CNPY1: variants seen among roughly 807,000 people sequenced by gnomAD.
The protein encoded by CNPY1 is protein canopy homolog 1.
A neutral mutation model predicts 14.4 loss-of-function variants in CNPY1; 14 were observed. The observed-to-expected ratio is 0.97, with a 90% CI of 0.64 to 1.52. The LOEUF is 1.52. Among genes scored for constraint, CNPY1 ranks in the 40% most tolerant of loss-of-function variants. CNPY1 has a pLI of 0.00. For missense variants in CNPY1, 129 were observed against 131.5 expected, an observed-to-expected ratio of 0.98 and a Z score of 0.09; for synonymous variants, 43 against 46.5, an observed-to-expected ratio of 0.92 and a Z score of 0.31.
intron 2 of CNPY1, among the ~76,000 whole-genome samples, chr7:155,527,050 C>CT (rs1796833384): frequency 1.5e-5 from 1 of 67,492 alleles, no homozygotes; most frequent in Non-Finnish European, 2.9e-5. Context: ...TTCTTTCTTT[C>CT]TTTCTTTTTT....
At chr7:155,526,142 G>C (rs1205439060) in intron 2 of CNPY1, among the ~76,000 whole-genome samples, 1 of 152,168 alleles carries the variant, frequency 6.6e-6, no homozygotes, top group Non-Finnish European at 1.5e-5. Context: ...ATGTTCAGAA[G>C]GTGTGAGAGA....
intron 2 of CNPY1, chr7:155,533,830 C>A (rs1015900898): frequency 1.3e-5 from 2 of 152,192 alleles, no homozygotes; most frequent in African/African-American, 4.8e-5. Flanking sequence ...GCTTTGCTCT[C>A]CCGGCATTGT....
chr7:155,537,264 C>T (rs1401600672), intron 2 of CNPY1, among the ~76,000 whole-genome samples: 2 of 152,052 alleles, frequency 1.3e-5, no homozygotes, highest in East Asian at 1.9e-4. Flanking sequence ...CCTCTCCTTC[C>T]GAGGACTCTT....
chr7:155,522,951 C>G (rs1386874960), intron 2 of CNPY1, among the ~76,000 whole-genome samples: 1 of 152,248 alleles, frequency 6.6e-6, no homozygotes, highest in East Asian at 1.9e-4. Context: ...TGTATGGGAG[C>G]TGCACGGTGC....
chr7:155,507,130 A>G lies in CNPY1; in HGVS notation c.304-14T>C. On this transcript the variant is annotated splice_polypyrimidine_tract_variant and intron_variant, in intron 3 of 4. Coordinates refer to ENST00000636446, the MANE Select transcript of CNPY1 (RefSeq NM_001393663.1). ...TATAGTTTCACACTGTAGAAACATA[A>G]TAACAACATATGTGGATAGACGCAC... The G allele has an allele frequency of 1.3e-6, 2 of 1,498,722 alleles. No homozygotes were observed. The highest frequency in any genetic ancestry group is 1.9e-6 in the Non-Finnish European group (2 of 1,077,884). The allele number at this position is 1,498,722 out of a possible 1,614,324, so 92.8% of individuals were successfully genotyped here. A position where few individuals can be genotyped will look rare whatever the true frequency, so the allele number is the denominator to read the frequency against.
In CNPY1 at chr7:155,546,535, T is replaced by G; in HGVS notation, c.-121A>C. On this transcript the variant is annotated 5_prime_UTR_variant, in exon 1 of 5. Coordinates refer to ENST00000636446, the MANE Select transcript of CNPY1 (RefSeq NM_001393663.1). ...TTTATTTTTTGAGACAGAGTCTTGCTCTGTCACCCAGGCTGGAGTGCAGTG... is the reference window on the plus strand; with the variant it reads ...TTTATTTTTTGAGACAGAGTCTTGCGCTGTCACCCAGGCTGGAGTGCAGTG... The G allele has an allele frequency of 2.5e-6, 1 of 395,982 alleles. No homozygotes were observed. Among genetic ancestry groups the G allele is most frequent in the Non-Finnish European group, 4.5e-6 (1 of 224,418 alleles). The allele number at this position is 395,982 out of a possible 1,614,324, so 24.5% of individuals were successfully genotyped here. A position where few individuals can be genotyped will look rare whatever the true frequency, so the allele number is the denominator to read the frequency against.
chr7:155,532,963 C>T (rs1359870420), intron 2 of CNPY1, among the ~76,000 whole-genome samples: 2 of 152,164 alleles, frequency 1.3e-5, no homozygotes. Flanking sequence ...CCGTCTGAGT[C>T]TACAGTCAGA....
At chr7:155,517,637 C>CA (rs1796646469) in intron 2 of CNPY1, among the ~76,000 whole-genome samples, 1 of 152,132 alleles carries the variant, frequency 6.6e-6, no homozygotes, top group East Asian at 1.9e-4. Context: ...CCTGCACATG[C>CA]AAAAAATGGT....
chr7:155,517,484 T>C (rs1022763312), intron 2 of CNPY1, among the ~76,000 whole-genome samples: 1 of 152,192 alleles, frequency 6.6e-6, no homozygotes, highest in Non-Finnish European at 1.5e-5. Flanking sequence ...CCTCAAGTTC[T>C]GCTAGGTGCA....
chr7:155,523,973 G>GCCA (rs1563092292), intron 2 of CNPY1, among the ~76,000 whole-genome samples: 1 of 151,982 alleles, frequency 6.6e-6, no homozygotes, highest in Non-Finnish European at 1.5e-5. Context: ...ACCAAGAGTT[G>GCCA]CCACCACCAC....
intron 2 of CNPY1, among the ~76,000 whole-genome samples, chr7:155,513,351 T>C (rs936099094): frequency 3.3e-5 from 5 of 152,218 alleles, no homozygotes; most frequent in Non-Finnish European, 5.9e-5. Context: ...ACGGAATTAA[T>C]AGGAGTGCTT....
chr7:155,525,245 A>G (rs1178754855), intron 2 of CNPY1, among the ~76,000 whole-genome samples: 1 of 152,026 alleles, frequency 6.6e-6, no homozygotes, highest in African/African-American at 2.4e-5. Context: ...CAGTGGTGCA[A>G]TCTCGGCTCA....
chr7:155,535,513 GAGTAAGAC>G (rs1328695347), intron 2 of CNPY1, among the ~76,000 whole-genome samples: 1 of 152,166 alleles, frequency 6.6e-6, no homozygotes, highest in Non-Finnish European at 1.5e-5. Context: ...GAATCCACAG[GAGTAAGAC>G]AGAAAAGCTT....
chr7:155,541,205 C>T (rs942814788), intron 2 of CNPY1, among the ~76,000 whole-genome samples: 5 of 152,228 alleles, frequency 3.3e-5, no homozygotes, highest in Non-Finnish European at 5.9e-5. Context: ...TCCCCGTTCC[C>T]GCTGTTCTGA....
intron 2 of CNPY1, among the ~76,000 whole-genome samples, chr7:155,528,069 A>G (rs574027574): frequency 1.3e-5 from 2 of 152,352 alleles, no homozygotes; most frequent in African/African-American, 4.8e-5. Flanking sequence ...GAGAAGGGAC[A>G]GCAGAGCTCT....
rs1303880293 is a variant in CNPY1 at position 155,539,711 on chromosome 7, CA to C, written c.99+6119del. Reference sequence around the variant, plus strand: ...GGGGGGAAAAAAGCAGACAAACATTCATGTGTGTTAGCATGGGAGCCATATG... The same window carrying C: ...GGGGGGAAAAAAGCAGACAAACATTCTGTGTGTTAGCATGGGAGCCATATG... On this transcript the variant is annotated intron_variant, in intron 2 of 4. Transcript: ENST00000636446. Among the ~76,000 whole-genome samples, 66 of 152,312 alleles carry C rather than the reference CA, an allele frequency of 4.3e-4. 1 individual carries two copies. The highest frequency in any genetic ancestry group is 1.5e-3 in the African/African-American group (63 of 41,562).
chr7:155,508,626 C>T (rs1200510117), intron 3 of CNPY1, among the ~76,000 whole-genome samples: 1 of 152,218 alleles, frequency 6.6e-6, no homozygotes, highest in East Asian at 1.9e-4. Flanking sequence ...GGGACTTGTG[C>T]ACAGCACCTT....
chr7:155,534,281 T>TCA lies in CNPY1; in HGVS notation c.99+11548_99+11549dup, dbSNP rs199632318. ...TGCTCTGAGATAGGTGACTTTGAGC[T>TCA]CACACACACACACTCACACGTGCAT... On this transcript the variant is annotated intron_variant, in intron 2 of 4. Transcript: ENST00000636446. Among the ~76,000 whole-genome samples, 20 of 151,712 alleles carry TCA rather than the reference T, an allele frequency of 1.3e-4. 1 individual carries two copies. The highest frequency in any genetic ancestry group is 3.2e-3 in the Middle Eastern group (1 of 312).
intron 2 of CNPY1, among the ~76,000 whole-genome samples, chr7:155,526,623 T>TG (rs1351404644): frequency 6.6e-6 from 1 of 152,194 alleles, no homozygotes; most frequent in Non-Finnish European, 1.5e-5. Context: ...GGTGGAAAGA[T>TG]GCTTAACTGC....
Sources: gnomAD v4.1 joint callset for allele counts (sites outside exome capture counted in the v4.1 genomes callset) on GRCh38, gnomAD v4.1.1 for gene constraint, MANE v1.5 for transcripts, NCBI Gene and HGNC (gene_info 2026-07-23, HGNC 2026-07-21) for gene names.